The following SYT1 variants were observed in gnomAD, a reference collection of about 807,000 sequenced individuals.
SYT1 encodes the protein synaptotagmin 1.
A neutral mutation model predicts 44.8 loss-of-function variants in SYT1; 8 were observed. That is an observed-to-expected ratio of 0.18 (90% CI 0.10 to 0.32). The LOEUF (loss-of-function observed/expected upper bound fraction) is 0.32. SYT1 is among the 10% of genes least tolerant of loss of function. The probability of loss-of-function intolerance (pLI) is 1.00; values close to 1 mark genes in which losing one functional copy is unlikely to be tolerated. For missense variants in SYT1, 286 were observed against 509.3 expected, an observed-to-expected ratio of 0.56 and a Z score of 4.22; for synonymous variants, 154 against 188.8, an observed-to-expected ratio of 0.82 and a Z score of 1.51.
At chr12:79,399,754 C>A (rs555592825) in intron 9 of SYT1, among the ~76,000 whole-genome samples, 1 of 152,074 alleles carries the variant, frequency 6.6e-6, no homozygotes, top group Non-Finnish European at 1.5e-5. Flanking sequence ...ATTTCCCTTC[C>A]CACTCCCAGA....
chr12:79,007,489 T>C (rs1485738510), intron 2 of SYT1, among the ~76,000 whole-genome samples: 1 of 152,172 alleles, frequency 6.6e-6, no homozygotes, highest in Non-Finnish European at 1.5e-5. Flanking sequence ...GGATCAGTCC[T>C]GACCAAAGCT....
chr12:79,405,714 A>G (rs1565944450), intron 9 of SYT1, among the ~76,000 whole-genome samples: 2 of 152,276 alleles, frequency 1.3e-5, no homozygotes, highest in East Asian at 3.9e-4. Flanking sequence ...AAGAAGTCAG[A>G]ATGCAACCTT....
intron 4 of SYT1, among the ~76,000 whole-genome samples, chr12:79,257,000 A>C (rs1360819697): frequency 6.6e-6 from 1 of 152,238 alleles, no homozygotes; most frequent in Non-Finnish European, 1.5e-5. Flanking sequence ...AGCTTCTAGC[A>C]ACTTGATAAG....
intron 1 of SYT1, among the ~76,000 whole-genome samples, chr12:78,922,466 A>G (rs11111895): frequency 0.014 from 2,061 of 151,900 alleles, 39 homozygotes; most frequent in African/African-American, 0.047. Context: ...AACATATTAT[A>G]AAGTAAATTT....
At chr12:78,875,502 G>A (rs1251957979) in intron 1 of SYT1, among the ~76,000 whole-genome samples, 1 of 151,662 alleles carries the variant, frequency 6.6e-6, no homozygotes, top group African/African-American at 2.4e-5. Context: ...TCAGGGGAAA[G>A]CACTGGGGTC....
chr12:78,998,952 C>T (rs1310434427), intron 2 of SYT1, among the ~76,000 whole-genome samples: 1 of 152,142 alleles, frequency 6.6e-6, no homozygotes, highest in Non-Finnish European at 1.5e-5. Context: ...TTCTATCACA[C>T]TGATTACTGA....
At chr12:79,040,389 C>A (rs1231337580) in intron 2 of SYT1, among the ~76,000 whole-genome samples, 3 of 152,058 alleles carry the variant, frequency 2.0e-5, no homozygotes, top group African/African-American at 7.2e-5. Flanking sequence ...ATGAGCATTT[C>A]TTCATGTGTT....
intron 8 of SYT1, among the ~76,000 whole-genome samples, chr12:79,338,777 C>A (rs1369356284): frequency 1.3e-5 from 2 of 151,204 alleles, no homozygotes; most frequent in Non-Finnish European, 2.9e-5. Context: ...CCCATTAACT[C>A]GTCATTTACA....
At chr12:78,899,577 T>G (rs1353915126) in intron 1 of SYT1, among the ~76,000 whole-genome samples, 1 of 151,958 alleles carries the variant, frequency 6.6e-6, no homozygotes, top group Admixed American at 6.6e-5. Context: ...GTTTCTAAAA[T>G]GTACTTGTGA....
At chr12:79,155,808 C>T (rs1156957147) in intron 3 of SYT1, among the ~76,000 whole-genome samples, 1 of 152,196 alleles carries the variant, frequency 6.6e-6, no homozygotes, top group African/African-American at 2.4e-5. Flanking sequence ...GGGAATTCTT[C>T]TGTTGCCTTC....
chr12:79,045,052 C>T (rs893561756), intron 2 of SYT1, among the ~76,000 whole-genome samples: 2 of 152,106 alleles, frequency 1.3e-5, no homozygotes, highest in African/African-American at 4.8e-5. Flanking sequence ...TTTAAGTCTG[C>T]AGAGGTTACT....
chr12:78,904,452 G>T lies in SYT1; in HGVS notation c.-217+39343G>T, dbSNP rs117445678. Among the ~76,000 whole-genome samples the T allele has an allele frequency of 1.2e-3, 185 of 152,240 alleles. 2 individuals are homozygous for T. In the East Asian group the frequency reaches 0.034, roughly 28 times the overall value. On this transcript the variant is annotated intron_variant, in intron 1 of 10. Transcript: ENST00000261205. ...ATGTACTGGATCTTTGGAGAACATG[G>T]ATGTATAAAACATCATAACCTCTAT...
At chr12:79,184,556 G>A (rs1212928871) in intron 3 of SYT1, among the ~76,000 whole-genome samples, 1 of 151,816 alleles carries the variant, frequency 6.6e-6, no homozygotes, top group Non-Finnish European at 1.5e-5. Flanking sequence ...GATTAGCATG[G>A]GCATTACAAA....
chr12:79,246,187 T>C (rs1876840593), intron 4 of SYT1, among the ~76,000 whole-genome samples: 1 of 152,192 alleles, frequency 6.6e-6, no homozygotes, highest in Admixed American at 6.5e-5. Flanking sequence ...CCAGTAGACA[T>C]GTTAGTGGTC....
chr12:79,023,191 T>A (rs920734776), intron 2 of SYT1, among the ~76,000 whole-genome samples: 2 of 151,832 alleles, frequency 1.3e-5, no homozygotes, highest in African/African-American at 4.8e-5. Context: ...CTTTAAAAAT[T>A]GGTTTGACAA....
At chr12:79,053,109 A>G (rs1874646048) in intron 3 of SYT1, among the ~76,000 whole-genome samples, 1 of 152,194 alleles carries the variant, frequency 6.6e-6, no homozygotes, top group Non-Finnish European at 1.5e-5. Flanking sequence ...AACCAACCCA[A>G]ATGTCCAACA....
Position 79,291,839 on chromosome 12 carries a change from G to C in SYT1, c.352-169G>C, listed in dbSNP as rs573925134. Reference sequence around the variant, plus strand: ...GGGGAAAGAAATTCCGTGCACAAAAGGAATTTAAAAAATATGTAAGCAGCA... The same window carrying C: ...GGGGAAAGAAATTCCGTGCACAAAACGAATTTAAAAAATATGTAAGCAGCA... On this transcript the variant is annotated intron_variant, in intron 5 of 10. Coordinates refer to ENST00000261205, the MANE Select transcript of SYT1 (RefSeq NM_005639.3). The C allele has an allele frequency of 2.4e-5, 21 of 880,288 alleles. 1 individual carries two copies. In the South Asian group the frequency reaches 2.9e-4, roughly 12 times the overall value. 54.5% of individuals were successfully genotyped at this position (880,288 alleles called of 1,614,324 possible). A position where few individuals can be genotyped will look rare whatever the true frequency, so the allele number is the denominator to read the frequency against.
At chr12:79,312,627 C>T (rs73351092) in intron 8 of SYT1, among the ~76,000 whole-genome samples, 1,614 of 152,104 alleles carry the variant, frequency 0.011, 30 homozygotes, top group African/African-American at 0.037. Flanking sequence ...CTTATGAAAA[C>T]GAATCTCTTA....
At chr12:79,005,099 C>T (rs1429514480) in intron 2 of SYT1, among the ~76,000 whole-genome samples, 4 of 151,946 alleles carry the variant, frequency 2.6e-5, no homozygotes, top group African/African-American at 9.7e-5. Context: ...GCAAATAAGG[C>T]TTCTCTGTGA....
Sources: gnomAD v4.1 joint callset for allele counts (sites outside exome capture counted in the v4.1 genomes callset) on GRCh38, gnomAD v4.1.1 for gene constraint, MANE v1.5 for transcripts, NCBI Gene and HGNC (gene_info 2026-07-23, HGNC 2026-07-21) for gene names.